The following TMEM52B variants were observed in gnomAD, a reference collection of about 807,000 sequenced individuals.
TMEM52B encodes transmembrane protein 52B.
In TMEM52B, 11 loss-of-function variants were observed where a neutral mutation model predicts 16.1. That is an observed-to-expected ratio of 0.68 (90% CI 0.43 to 1.13). The LOEUF is 1.13. Ranked by LOEUF, TMEM52B falls within the 50% of genes most tolerant of loss-of-function variation. TMEM52B has a pLI of 0.00. For synonymous variants in TMEM52B, 101 were observed against 93.8 expected, an observed-to-expected ratio of 1.08 and a Z score of -0.45; for missense variants, 243 against 230.4, an observed-to-expected ratio of 1.05 and a Z score of -0.35.
At position 10,190,450 on chromosome 12, in the gene TMEM52B, C is replaced by A; in HGVS notation, c.*310C>A. 3.3e-6 allele frequency: 1 copy of A among 303,878 alleles called. No individual in the cohort carries two copies. 18.8% of individuals were successfully genotyped at this position (303,878 alleles called of 1,614,324 possible). ...TTAACTATTGAGTGCATATAGAATT[C>A]CTGTACCCACATGATACTGCAAGTT... On this transcript the variant is annotated 3_prime_UTR_variant, in exon 5 of 5. Coordinates refer to ENST00000543484, the MANE Select transcript of TMEM52B (RefSeq NM_001384896.1).
Position 10,190,158 on chromosome 12 carries a change from T to TA in TMEM52B, c.*21dup. The TA allele has an allele frequency of 6.2e-7, 1 of 1,613,976 alleles. No individual in the cohort carries two copies. The highest frequency in any genetic ancestry group is 8.5e-7 in the Non-Finnish European group (1 of 1,179,934). On this transcript the variant is annotated 3_prime_UTR_variant, in exon 5 of 5. Coordinates refer to ENST00000543484, the MANE Select transcript of TMEM52B (RefSeq NM_001384896.1). Reference sequence around the variant, plus strand: ...GGAACTGATGAGAGCTGTCATTTTATAAATAGGAGTGGAGTGATGTCCAGA... The same window carrying TA: ...GGAACTGATGAGAGCTGTCATTTTATAAAATAGGAGTGGAGTGATGTCCAGA...
At chr12:10,187,709 G>A (rs112121369) in intron 4 of TMEM52B, among the ~76,000 whole-genome samples, 34 of 152,034 alleles carry the variant, frequency 2.2e-4, no homozygotes, top group Non-Finnish European at 4.3e-4. Context: ...GAGATTACAA[G>A]CATAAGCCAC....
At chr12:10,172,447 C>T in intron 1 of TMEM52B, 1 of 164,778 alleles carries the variant, frequency 6.1e-6, no homozygotes, top group Non-Finnish European at 1.3e-5. Flanking sequence ...AAAAAATGTG[C>T]CAGAATTATG....
At chr12:10,184,466 G>A (rs1463915545) in intron 2 of TMEM52B, among the ~76,000 whole-genome samples, 1 of 152,074 alleles carries the variant, frequency 6.6e-6, no homozygotes, top group Non-Finnish European at 1.5e-5. Flanking sequence ...CTCACCCTAT[G>A]GGATCGGATC....
rs531571469 is a variant in TMEM52B at position 10,182,688 on chromosome 12, C to A, written c.98+95C>A. Reference sequence around the variant, plus strand: ...AGATGTCATTAGACATCTATGACTTCTTTTTATTTATTTTTACTTAAGTAA... The same window carrying A: ...AGATGTCATTAGACATCTATGACTTATTTTTATTTATTTTTACTTAAGTAA... On this transcript the variant is annotated intron_variant, in intron 2 of 4. Coordinates refer to ENST00000543484, the MANE Select transcript of TMEM52B (RefSeq NM_001384896.1). 5,212 of 1,241,760 alleles carry A rather than the reference C, an allele frequency of 4.2e-3. 17 individuals carry two copies. Among genetic ancestry groups the A allele is most frequent in the Middle Eastern group, 6.4e-3 (32 of 5,026 alleles). The allele number at this position is 1,241,760 out of a possible 1,614,324, so 76.9% of individuals were successfully genotyped here. A position where few individuals can be genotyped will look rare whatever the true frequency, so the allele number is the denominator to read the frequency against.
chr12:10,176,239 C>A (rs1394393505), upstream of TMEM52B, among the ~76,000 whole-genome samples: 3 of 152,106 alleles, frequency 2.0e-5, no homozygotes, highest in African/African-American at 7.2e-5. Context: ...AGAGTTAAAG[C>A]TGCCCCAAGG....
chr12:10,179,512 G>T lies in TMEM52B; in HGVS notation c.-63G>T. On this transcript the variant is annotated 5_prime_UTR_variant, in exon 1 of 5. Coordinates refer to ENST00000543484, the MANE Select transcript of TMEM52B (RefSeq NM_001384896.1). ...AGGTCAAGAAGTAAAATATGGCACAGAGCATTGAAAGGAGGCAACGGATGC... is the reference window on the plus strand; with the variant it reads ...AGGTCAAGAAGTAAAATATGGCACATAGCATTGAAAGGAGGCAACGGATGC... The T allele has an allele frequency of 6.5e-7, 1 of 1,547,914 alleles. No individual in the cohort carries two copies. Among genetic ancestry groups the T allele is most frequent in the Non-Finnish European group, 8.9e-7 (1 of 1,119,720 alleles).
intron 1 of TMEM52B, among the ~76,000 whole-genome samples, chr12:10,172,783 G>A (rs1948734123): frequency 6.6e-6 from 1 of 151,980 alleles, no homozygotes; most frequent in Non-Finnish European, 1.5e-5. Flanking sequence ...TTGAATCTAT[G>A]TCTTTGTCTG....
intron 1 of TMEM52B, among the ~76,000 whole-genome samples, chr12:10,172,983 G>C: frequency 6.6e-6 from 1 of 152,198 alleles, no homozygotes; most frequent in Admixed American, 6.5e-5. Flanking sequence ...CAAATGACAC[G>C]CTGGTTAAAA....
At chr12:10,174,679 T>C (rs138509827), upstream of TMEM52B, among the ~76,000 whole-genome samples, 27 of 152,272 alleles carry the variant, frequency 1.8e-4, no homozygotes, top group Admixed American at 1.2e-3. Context: ...ATAAACCTAT[T>C]TCTATGTATG....
At chr12:10,182,151 C>A (rs1209862565) in intron 1 of TMEM52B, 2 of 984,362 alleles carry the variant, frequency 2.0e-6, no homozygotes, top group East Asian at 2.3e-4. Context: ...TTTGTATAGT[C>A]ATTGTCACAC....
intron 1 of TMEM52B, among the ~76,000 whole-genome samples, chr12:10,181,196 G>A (rs903314703): frequency 6.6e-6 from 1 of 152,164 alleles, no homozygotes; most frequent in Non-Finnish European, 1.5e-5. Context: ...TTTCTGTAAA[G>A]GGAGTAGAAG....
At chr12:10,188,930 T>A (rs1282448167) in intron 4 of TMEM52B, among the ~76,000 whole-genome samples, 1 of 141,824 alleles carries the variant, frequency 7.1e-6, no homozygotes, top group African/African-American at 2.6e-5. Context: ...GGCAGGAGAA[T>A]GGCGAGAACC....
chr12:10,178,395 C>T (rs1407221920), upstream of TMEM52B, among the ~76,000 whole-genome samples: 1 of 151,590 alleles, frequency 6.6e-6, no homozygotes, highest in Non-Finnish European at 1.5e-5. Flanking sequence ...TGGTGGTGGG[C>T]GCCAGTATTC....
intron 2 of TMEM52B, among the ~76,000 whole-genome samples, chr12:10,184,241 G>A (rs1301040880): frequency 3.3e-5 from 5 of 152,260 alleles, no homozygotes; most frequent in Admixed American, 6.5e-5. Flanking sequence ...TTTGCTCTAC[G>A]CATCTCTTCA....
chr12:10,188,408 G>A (rs1257747160), intron 4 of TMEM52B, among the ~76,000 whole-genome samples: 5 of 151,356 alleles, frequency 3.3e-5, no homozygotes, highest in African/African-American at 1.2e-4. Context: ...TCAGTGAGCC[G>A]AGATGGCGCC....
intron 1 of TMEM52B, among the ~76,000 whole-genome samples, chr12:10,173,580 G>A (rs1948742460): frequency 6.6e-6 from 1 of 151,544 alleles, no homozygotes; most frequent in African/African-American, 2.4e-5. Flanking sequence ...TCAGGAGTTC[G>A]AGACCAGCCT....
intron 1 of TMEM52B, among the ~76,000 whole-genome samples, chr12:10,179,880 G>A (rs1427609709): frequency 6.6e-6 from 1 of 152,156 alleles, no homozygotes; most frequent in Non-Finnish European, 1.5e-5. Flanking sequence ...GATTGCCGTG[G>A]CACTTTAGAA....
intron 4 of TMEM52B, among the ~76,000 whole-genome samples, chr12:10,188,027 A>G (rs1004168926): frequency 3.9e-5 from 6 of 152,082 alleles, no homozygotes; most frequent in African/African-American, 7.2e-5. Context: ...TGAACCCGGG[A>G]GGCAAAGGTT....
Sources: gnomAD v4.1 joint callset for allele counts (sites outside exome capture counted in the v4.1 genomes callset) on GRCh38, gnomAD v4.1.1 for gene constraint, MANE v1.5 for transcripts, NCBI Gene and HGNC (gene_info 2026-07-23, HGNC 2026-07-21) for gene names.